Variants in BIN1 observed in about 807,000 individuals in gnomAD.
BIN1 encodes the protein myc box-dependent-interacting protein 1.
Under a neutral mutation model 82.0 loss-of-function variants are expected in BIN1, and 53 were observed. The observed-to-expected ratio is 0.65, with a 90% CI of 0.52 to 0.81. The LOEUF is 0.81. Among genes scored for constraint, BIN1 ranks in the 40% least tolerant of loss-of-function variants. The pLI, the probability that BIN1 is intolerant of heterozygous loss-of-function variation, is 0.00. For synonymous variants in BIN1, 302 were observed against 328.0 expected (o/e 0.92, Z 0.86); for missense variants, 642 against 784.4 (o/e 0.82, Z 2.17).
chr2:127,075,217 A>C (rs974595297), intron 2 of BIN1, among the ~76,000 whole-genome samples: 16 of 146,604 alleles, frequency 1.1e-4, no homozygotes, highest in Non-Finnish European at 1.7e-4. Flanking sequence ...CCTCATCTGC[A>C]AAATGAGAAT....
At chr2:127,051,784 G>A (rs1046863887) in intron 15 of BIN1, among the ~76,000 whole-genome samples, 14 of 152,184 alleles carry the variant, frequency 9.2e-5, no homozygotes, top group Admixed American at 3.9e-4. Context: ...ACCGCAGCAC[G>A]GGCACCACGG....
At chr2:127,056,434 T>A (rs1683680194) in intron 12 of BIN1, 1 of 152,260 alleles carries the variant, frequency 6.6e-6, no homozygotes, top group African/African-American at 2.4e-5. Context: ...AGTCCTAGTC[T>A]TTGCATAGGG....
Position 127,059,288 on chromosome 2 carries a change from G to C in BIN1, c.858-133C>G. The C allele has an allele frequency of 9.9e-7, 1 of 1,012,550 alleles. No homozygotes were observed. 62.7% of individuals were successfully genotyped at this position (1,012,550 alleles called of 1,614,324 possible). ...TGTGAAACTGTGTGTGTGTGTGTGTGTGTGTATGTGAGAGAGAGCAGGAGG... is the reference window on the plus strand; with the variant it reads ...TGTGAAACTGTGTGTGTGTGTGTGTCTGTGTATGTGAGAGAGAGCAGGAGG... On this transcript the variant is annotated intron_variant, in intron 10 of 18. Transcript: ENST00000316724. This position sits in a 1 kb window ranked among gnomAD's most constrained non-coding sequence, Gnocchi z 6.7.
chr2:127,053,799 C>A, intron 13 of BIN1, 106 bp downstream of exon 13: 3 of 1,101,256 alleles, frequency 2.7e-6, no homozygotes, highest in South Asian at 1.4e-5. Context: ...AGGGGAAGGG[C>A]AGTGACCCAG....
chr2:127,074,735 C>T (rs1226072447), intron 2 of BIN1, among the ~76,000 whole-genome samples: 1 of 152,202 alleles, frequency 6.6e-6, no homozygotes, highest in Non-Finnish European at 1.5e-5. Context: ...CGGAGTCTTG[C>T]TCTGTAGCCC....
chr2:127,053,817 TG>T, intron 13 of BIN1, 87 bp downstream of exon 13: 2 of 1,283,762 alleles, frequency 1.6e-6, no homozygotes, highest in Non-Finnish European at 2.2e-6. Context: ...CAGGCCTAGC[TG>T]GGGTCACGTG....
At chr2:127,088,964 C>T (rs746380998) in intron 1 of BIN1, among the ~76,000 whole-genome samples, 11 of 152,042 alleles carry the variant, frequency 7.2e-5, no homozygotes, top group South Asian at 2.1e-4. Flanking sequence ...GCAAGACCGG[C>T]GTGGCTGAGA....
Position 127,058,998 on chromosome 2 carries a change from A to C in BIN1, c.1002+13T>G. The C allele has an allele frequency of 6.4e-7, 1 of 1,555,482 alleles. No homozygotes were observed. Among genetic ancestry groups the C allele is most frequent in the Non-Finnish European group, 8.7e-7 (1 of 1,149,282 alleles). On this transcript the variant is annotated intron_variant, in intron 11 of 18. Coordinates refer to ENST00000316724, the MANE Select transcript of BIN1 (RefSeq NM_139343.3). ...GGAGGGCAGGGGACCTGCTACCAAG[A>C]CATCACTCCTACCTGAGATGGGGAC...
At chr2:127,076,727 G>A in intron 1 of BIN1, 21 bp from the exon 2 acceptor site, 1 of 1,613,884 alleles carries the variant, frequency 6.2e-7, no homozygotes, top group Non-Finnish European at 8.5e-7. Flanking sequence ...CAAGAGAGAA[G>A]GGGAGAGTGT....
intron 11 of BIN1, among the ~76,000 whole-genome samples, chr2:127,058,506 G>A (rs1414320058): frequency 6.6e-6 from 1 of 151,978 alleles, no homozygotes; most frequent in Non-Finnish European, 1.5e-5. Flanking sequence ...CAGTCCAGAA[G>A]CCCAGGACCT....
chr2:127,069,493 A>G (rs1228391609), intron 5 of BIN1, among the ~76,000 whole-genome samples: 1 of 152,156 alleles, frequency 6.6e-6, no homozygotes, highest in Non-Finnish European at 1.5e-5. Context: ...CTCGGTGGAT[A>G]CCAGAGACAC....
chr2:127,106,984 G>T lies in BIN1; in HGVS notation c.-41C>A, dbSNP rs747593939. Reference sequence around the variant, plus strand: ...GCCCGGTGGCAGGGGCCGCTCTCGCGCGGGGAGATCTTGCGCGCCGCGCTC... The same window carrying T: ...GCCCGGTGGCAGGGGCCGCTCTCGCTCGGGGAGATCTTGCGCGCCGCGCTC... On this transcript the variant is annotated 5_prime_UTR_variant, in exon 1 of 19. Coordinates refer to ENST00000316724, the MANE Select transcript of BIN1 (RefSeq NM_139343.3). The T allele has an allele frequency of 6.3e-7, 1 of 1,581,766 alleles. No individual in the cohort carries two copies.
chr2:127,054,435 C>T (rs924742513), intron 12 of BIN1: 2 of 251,348 alleles, frequency 8.0e-6, no homozygotes, highest in Admixed American at 4.9e-5. Flanking sequence ...TTCTGCTGAT[C>T]TTGCTACCCC....
At chr2:127,096,303 G>GTTCA (rs1328888335) in intron 1 of BIN1, among the ~76,000 whole-genome samples, 18 of 152,204 alleles carry the variant, frequency 1.2e-4, no homozygotes, top group African/African-American at 4.3e-4. Context: ...GCTCACTGAA[G>GTTCA]TTCACTTTCA....
intron 10 of BIN1, among the ~76,000 whole-genome samples, chr2:127,061,058 G>A (rs1010363967): frequency 6.6e-6 from 1 of 152,196 alleles, no homozygotes; most frequent in African/African-American, 2.4e-5. Flanking sequence ...CCTTCCTGAG[G>A]GGAGCCATGG....
intron 15 of BIN1, 110 bp downstream of exon 15, chr2:127,052,145 C>T: frequency 8.6e-7 from 1 of 1,158,968 alleles, no homozygotes; most frequent in Non-Finnish European, 1.2e-6. Context: ...CTCACCCTCA[C>T]ATCCATGGTG....
At chr2:127,085,615 A>T (rs1350086795) in intron 1 of BIN1, among the ~76,000 whole-genome samples, 1 of 152,096 alleles carries the variant, frequency 6.6e-6, no homozygotes, top group African/African-American at 2.4e-5. Flanking sequence ...ATGAGGAAGG[A>T]GCCCGAAAGA....
At chr2:127,075,465 G>A (rs1269133452) in intron 2 of BIN1, among the ~76,000 whole-genome samples, 1 of 152,158 alleles carries the variant, frequency 6.6e-6, no homozygotes, top group African/African-American at 2.4e-5. Flanking sequence ...GGAAGGAATT[G>A]CCCAGAGCCA....
rs575072529 is a variant in BIN1, at chr2:127,107,048, C to T, written c.-105G>A. 2 of 1,148,662 alleles carry T rather than the reference C, an allele frequency of 1.7e-6. No homozygotes were observed. Among genetic ancestry groups the T allele is most frequent in the Non-Finnish European group, 2.3e-6 (2 of 880,154 alleles). 71.2% of individuals were successfully genotyped at this position (1,148,662 alleles called of 1,614,324 possible). On this transcript the variant is annotated 5_prime_UTR_variant, in exon 1 of 19. Coordinates refer to ENST00000316724, the MANE Select transcript of BIN1 (RefSeq NM_139343.3). The surrounding 1 kb of genome is among the most constrained non-coding windows in gnomAD (Gnocchi z 5.9). ...CCGGCCGCGCGTCCAGACCGGCTGCCGCTCCACGCCGCGCACCCGACAGCG... is the reference window on the plus strand; with the variant it reads ...CCGGCCGCGCGTCCAGACCGGCTGCTGCTCCACGCCGCGCACCCGACAGCG...
Sources: gnomAD v4.1 joint callset for allele counts (sites outside exome capture counted in the v4.1 genomes callset) on GRCh38, gnomAD v4.1.1 for gene constraint, Gnocchi (gnomAD v3.1) non-coding constraint, MANE v1.5 for transcripts, NCBI Gene and HGNC (gene_info 2026-07-23, HGNC 2026-07-21) for gene names.